The following TLR7 variants were observed in gnomAD, a reference collection of about 807,000 sequenced individuals.
TLR7 encodes the protein toll like receptor 7.
In TLR7, 12 loss-of-function variants were observed where a neutral mutation model predicts 38.3. The ratio of observed to expected loss-of-function variants is 0.31; its 90% CI spans 0.20 to 0.51. The LOEUF is 0.51. TLR7 is among the 20% of genes least tolerant of loss of function. TLR7 has a pLI of 0.98. For missense variants in TLR7, 504 were observed against 743.4 expected, an observed-to-expected ratio of 0.68 and a Z score of 3.74; for synonymous variants, 285 against 293.8, an observed-to-expected ratio of 0.97 and a Z score of 0.31.
chrX:12,883,353 G>C (rs1018169987), intron 2 of TLR7, among the ~76,000 whole-genome samples: 1 of 111,920 alleles, frequency 8.9e-6, no homozygotes, highest in Non-Finnish European at 1.9e-5. Context: ...AAATGGTAGG[G>C]AAGAGGACTT....
At chrX:12,869,836 A>G (rs1031591921) in intron 2 of TLR7, among the ~76,000 whole-genome samples, 1 of 108,630 alleles carries the variant, frequency 9.2e-6, no homozygotes, top group Non-Finnish European at 1.9e-5. Flanking sequence ...CAGGCAAAAA[A>G]AAAAAAAAAA....
chrX:12,880,075 AT>A (rs1353951580), intron 2 of TLR7, among the ~76,000 whole-genome samples: 1 of 112,086 alleles, frequency 8.9e-6, no homozygotes, highest in Non-Finnish European at 1.9e-5. Context: ...TATTTTAGAT[AT>A]GTATTTTTTT....
rs761767111 is a variant in TLR7 at position 12,888,455 on chromosome X, G to C, written c.2947G>C (p.Val983Leu). 6 of 1,211,597 alleles carry C rather than the reference G, an allele frequency of 5.0e-6. No individual in the cohort carries two copies. The highest frequency in any genetic ancestry group is 5.6e-6 in the Non-Finnish European group (5 of 895,392). Residue 983 changes from valine (V) to leucine (L), a missense_variant, in exon 3 of 3, where the codon GTT (valine) becomes CTT (leucine). Val to Leu is a conservative substitution (Grantham distance 32). Transcript: ENST00000380659. ...CCATCAGAGGCTCATGGATGAAAAA[G>C]TTGATGTGATTATCTTGATATTTCT... ...LSHQRLMDEKVDVIILIFLEK... is the reference protein window; with the variant it reads ...LSHQRLMDEKLDVIILIFLEK...
chrX:12,888,589 G>A lies in TLR7; in HGVS notation c.3081G>A (p.Gln1027=). The A allele has an allele frequency of 8.3e-7, 1 of 1,211,743 alleles. No homozygotes were observed. Among genetic ancestry groups the A allele is most frequent in the African/African-American group, 1.7e-5 (1 of 57,806 alleles). ...TNPQAHPYFW[Q]CLKNALATDN... The stretch of plus-strand genomic sequence containing the variant: ...CGCAAGCTCACCCATACTTCTGGCA[G>A]TGTCTAAAGAACGCCCTGGCCACAG... The change falls in exon 3 of 3, where the codon CAG becomes CAA. Residue 1027 remains glutamine (Q), a synonymous_variant. Transcript: ENST00000380659.
Position 12,886,816 on chromosome X carries a change from A to G in TLR7, c.1308A>G (p.Ser436=), listed in dbSNP as rs1450363137. Residue 436 remains serine, a synonymous_variant, in exon 3 of 3, where the codon TCA becomes TCG. Transcript: ENST00000380659. ...TTTCAGTGAATAAAATATCACCTTC[A>G]GGAGATTCAAGTGAAGTTGGCTTCT... ...IDLSVNKISP[S]GDSSEVGFCS... 1.7e-6 allele frequency: 2 copies of G among 1,210,730 alleles called. No individual in the cohort carries two copies. Among genetic ancestry groups the G allele is most frequent in the Non-Finnish European group, 1.1e-6 (1 of 894,741 alleles).
chrX:12,888,786 G>T lies in TLR7; in HGVS notation c.*128G>T. ...AAGAAATGAGATTGCCCATATTTCA[G>T]GGGAGCCACCAACGTCTGTCACAGG... On this transcript the variant is annotated 3_prime_UTR_variant, in exon 3 of 3. Coordinates refer to ENST00000380659, the MANE Select transcript of TLR7 (RefSeq NM_016562.4). 1 of 747,824 alleles carries T rather than the reference G, an allele frequency of 1.3e-6. No individual in the cohort carries two copies. Among genetic ancestry groups the T allele is most frequent in the Admixed American group, 3.7e-5 (1 of 27,220 alleles). The allele number at this position is 747,824 out of a possible 1,213,427, so 61.6% of individuals were successfully genotyped here. A position where few individuals can be genotyped will look rare whatever the true frequency, so the allele number is the denominator to read the frequency against.
chrX:12,882,254 T>C (rs777962573), intron 2 of TLR7, among the ~76,000 whole-genome samples: 2 of 111,569 alleles, frequency 1.8e-5, no homozygotes, highest in African/African-American at 6.5e-5. Context: ...GACATTATAG[T>C]TGATCTGATT....
rs200146658 is a variant in TLR7, at chrX:12,886,371, C to T, written c.863C>T (p.Ala288Val). 2.1e-5 allele frequency: 26 copies of T among 1,210,170 alleles called. No homozygotes were observed. The highest frequency in any genetic ancestry group is 5.3e-5 in the South Asian group (3 of 56,829). Reference sequence around the variant, plus strand: ...CAGATCCCTGTAAATGCTTTTGATGCGCTGACAGAATTAAAAGTTTTACGT... The same window carrying T: ...CAGATCCCTGTAAATGCTTTTGATGTGCTGACAGAATTAAAAGTTTTACGT... ...PLQIPVNAFD[A>V]LTELKVLRLH... Residue 288 changes from alanine to valine, a missense_variant, in exon 3 of 3, where the codon GCG becomes GTG. Transcript: ENST00000380659.
chrX:12,871,462 G>A (rs1385748662), intron 2 of TLR7, among the ~76,000 whole-genome samples: 2 of 111,654 alleles, frequency 1.8e-5, no homozygotes, highest in Non-Finnish European at 1.9e-5. Flanking sequence ...TCCAGCAATC[G>A]CCCCGGCCAT....
Position 12,885,565 on chromosome X carries a change from C to T in TLR7, c.57C>T (p.Ile19=), listed in dbSNP as rs745786993. The T allele has an allele frequency of 8.3e-7, 1 of 1,208,680 alleles. No homozygotes were observed. The highest frequency in any genetic ancestry group is 1.8e-5 in the South Asian group (1 of 56,743). The change falls in exon 3 of 3, where the codon ATC becomes ATT. Residue 19 remains isoleucine, a synonymous_variant. Coordinates refer to ENST00000380659, the MANE Select transcript of TLR7 (RefSeq NM_016562.4). Reference sequence around the variant, plus strand: ...AAATTCTTATCCTTTTTAACATAATCCTAATTTCCAAACTCCTTGGGGCTA... The same window carrying T: ...AAATTCTTATCCTTTTTAACATAATTCTAATTTCCAAACTCCTTGGGGCTA... ...KRQILILFNI[I]LISKLLGARW... is the part of the protein sequence containing the mutation.
At chrX:12,884,744 G>A (rs1161492786) in intron 2 of TLR7, among the ~76,000 whole-genome samples, 1 of 112,164 alleles carries the variant, frequency 8.9e-6, no homozygotes, top group Non-Finnish European at 1.9e-5. Context: ...CAGTTATACG[G>A]TTCCTCTGAT....
At position 12,885,806 on chromosome X, in the gene TLR7, T is replaced by C; in HGVS notation, c.298T>C (p.Cys100Arg). Residue 100 changes from cysteine (C) to arginine (R), a missense_variant, in exon 3 of 3, where the codon TGT (cysteine) becomes CGT (arginine). By Grantham distance (180) the Cys-to-Arg change is radical. Coordinates refer to ENST00000380659, the MANE Select transcript of TLR7 (RefSeq NM_016562.4). Reference protein sequence around the residue: ...HLVEIDFRCNCVPIPLGSKNN... With the variant: ...HLVEIDFRCNRVPIPLGSKNN... ...GGTAGAGATCGATTTCAGATGCAAC[T>C]GTGTACCTATTCCACTGGGGTCAAA... 8.3e-7 allele frequency: 1 copy of C among 1,212,104 alleles called. No homozygotes were observed. Among genetic ancestry groups the C allele is most frequent in the Non-Finnish European group, 1.1e-6 (1 of 895,574 alleles).
chrX:12,887,365 G>C lies in TLR7; in HGVS notation c.1857G>C (p.Glu619Asp). 1 of 1,211,275 alleles carries C rather than the reference G, an allele frequency of 8.3e-7. No individual in the cohort carries two copies. The highest frequency in any genetic ancestry group is 1.1e-6 in the Non-Finnish European group (1 of 894,852). The change falls in exon 3 of 3, where the codon GAG becomes GAC. Residue 619 changes from glutamate (E) to aspartate (D), a missense_variant. Physicochemically the swap from Glu to Asp is conservative, Grantham distance 45 (BLOSUM62 2). Transcript: ENST00000380659. ...CCACCAGCAGGACCATGGAGAGTGA[G>C]TCTCTTAGAACTCTGGAATTCAGAG... ...SSSTSRTMES[E>D]SLRTLEFRGN... is the part of the protein sequence containing the mutation.
chrX:12,877,975 G>A lies in TLR7; in HGVS notation c.4-7537G>A, dbSNP rs191335383. Among the ~76,000 whole-genome samples the A allele has an allele frequency of 7.4e-4, 83 of 111,942 alleles. 1 individual carries two copies. The highest frequency in any genetic ancestry group is 2.6e-3 in the African/African-American group (79 of 30,830). On this transcript the variant is annotated intron_variant, in intron 2 of 2. Transcript: ENST00000380659. ...ATATTTAGCTTGCACTCACTATGTGGCGGGCATCCTAATGATGGAGTATAT... is the reference window on the plus strand; with the variant it reads ...ATATTTAGCTTGCACTCACTATGTGACGGGCATCCTAATGATGGAGTATAT...
chrX:12,867,548 C>T lies in TLR7; in HGVS notation c.-31C>T, dbSNP rs1486755015. ...CATGCTCTGCTCTCTTCAACCAGAC[C>T]TCTACATTCCATTTTGGAAGAAGAC... On this transcript the variant is annotated 5_prime_UTR_variant, in exon 2 of 3. Coordinates refer to ENST00000380659, the MANE Select transcript of TLR7 (RefSeq NM_016562.4). 2 of 1,204,962 alleles carry T rather than the reference C, an allele frequency of 1.7e-6. No individual in the cohort carries two copies. The highest frequency in any genetic ancestry group is 5.9e-5 in the East Asian group (2 of 33,745).
intron 2 of TLR7, among the ~76,000 whole-genome samples, chrX:12,875,701 G>A (rs1046113638): frequency 2.7e-5 from 3 of 111,662 alleles, no homozygotes; most frequent in Non-Finnish European, 5.6e-5. Context: ...TCTCTTGCCT[G>A]ACGCCATGTA....
At chrX:12,880,383 A>T (rs1312105482) in intron 2 of TLR7, among the ~76,000 whole-genome samples, 1 of 112,202 alleles carries the variant, frequency 8.9e-6, no homozygotes, top group African/African-American at 3.2e-5. Context: ...CTCCACCCAG[A>T]GTGCTTTTCA....
chrX:12,884,591 T>C (rs762849799), intron 2 of TLR7, among the ~76,000 whole-genome samples: 1 of 112,297 alleles, frequency 8.9e-6, no homozygotes, highest in South Asian at 3.7e-4. Context: ...GTGTCTGTCA[T>C]GCTAAACCTA....
chrX:12,885,440 G>A, intron 2 of TLR7, 72 bp from the exon 3 acceptor site: 1 of 982,487 alleles, frequency 1.0e-6, no homozygotes, highest in Non-Finnish European at 1.4e-6. Context: ...AAGAGAGGCA[G>A]CAAATGGGAA....
Sources: gnomAD v4.1 joint callset for allele counts (sites outside exome capture counted in the v4.1 genomes callset) on GRCh38, gnomAD v4.1.1 for gene constraint, MANE v1.5 for transcripts, NCBI Gene and HGNC (gene_info 2026-07-23, HGNC 2026-07-21) for gene names.